DCBLD1: variants seen among roughly 807,000 people sequenced by gnomAD.
The protein encoded by DCBLD1 is discoidin, CUB and LCCL domain-containing protein 1.
DCBLD1 carries 57 observed loss-of-function variants against 71.5 expected under a neutral mutation model. The ratio of observed to expected loss-of-function variants is 0.80; its 90% CI spans 0.64 to 0.99. The LOEUF is 0.99. Ranked by LOEUF, DCBLD1 falls within the 50% of genes least tolerant of loss-of-function variation. The pLI is 0.00. For synonymous variants in DCBLD1, 380 were observed against 363.8 expected, an observed-to-expected ratio of 1.04 and a Z score of -0.51; for missense variants, 891 against 923.5, an observed-to-expected ratio of 0.96 and a Z score of 0.46.
chr6:117,540,701 G>C lies in DCBLD1; in HGVS notation c.1135G>C (p.Val379Leu), dbSNP rs202127456. 30 of 1,614,076 alleles carry C rather than the reference G, an allele frequency of 1.9e-5. No individual in the cohort carries two copies. The highest frequency in any genetic ancestry group is 2.5e-5 in the Non-Finnish European group (29 of 1,180,048). Residue 379 changes from valine to leucine, a missense_variant, in exon 10 of 15, where the codon GTG (valine) becomes CTG (leucine). By Grantham distance (32) the Val-to-Leu change is conservative. Coordinates refer to ENST00000338728, the MANE Select transcript of DCBLD1 (RefSeq NM_001366458.2). ...FQGNSNFRDP[V>L]QNNFIPPIVA... ...GGGTAACTCTAACTTTCGGGACCCA[G>C]TGCAAAACAATTTCATCCCTCCCAT...
Position 117,538,648 on chromosome 6 carries a change from T to C in DCBLD1, c.789T>C (p.Pro263=), listed in dbSNP as rs199683539. The change falls in exon 8 of 15, where the codon CCT becomes CCC. Residue 263 remains proline, a synonymous_variant. Coordinates refer to ENST00000338728, the MANE Select transcript of DCBLD1 (RefSeq NM_001366458.2). ...NGCSRSLSFE[P]DGQIRASSSW... Reference sequence around the variant, plus strand: ...GCAGCAGATCCTTGAGTTTTGAACCTGACGGGCAAATCAGAGCTTCTTCCT... The same window carrying C: ...GCAGCAGATCCTTGAGTTTTGAACCCGACGGGCAAATCAGAGCTTCTTCCT... 1.4e-4 allele frequency: 226 copies of C among 1,614,182 alleles called. 1 individual carries two copies. In the Middle Eastern group the frequency reaches 4.1e-3, roughly 29 times the overall value.
intron 2 of DCBLD1, among the ~76,000 whole-genome samples, chr6:117,516,408 T>C (rs9387486): frequency 0.096 from 14,598 of 151,870 alleles, 1,888 homozygotes; most frequent in African/African-American, 0.29. Flanking sequence ...TTACGTATGA[T>C]GAGTGTTTCT....
chr6:117,508,566 T>TAAC (rs2114445320), intron 2 of DCBLD1, among the ~76,000 whole-genome samples: 1 of 152,348 alleles, frequency 6.6e-6, no homozygotes, highest in Non-Finnish European at 1.5e-5. Context: ...AGTGACCATG[T>TAAC]AACCTTGACT....
chr6:117,512,986 C>T (rs1395729861), intron 2 of DCBLD1, among the ~76,000 whole-genome samples: 1 of 151,950 alleles, frequency 6.6e-6, no homozygotes, highest in Non-Finnish European at 1.5e-5. Context: ...AAAACAATAA[C>T]TTAGTTTTAT....
At chr6:117,532,228 A>C (rs748398337) in intron 5 of DCBLD1, 32 bp from the exon 6 acceptor site, 1 of 1,562,092 alleles carries the variant, frequency 6.4e-7, no homozygotes, top group African/African-American at 1.4e-5. Flanking sequence ...GTGTTCTTTT[A>C]AGTTCTGCAT....
chr6:117,558,011 T>C (rs1328267527), intron 14 of DCBLD1, among the ~76,000 whole-genome samples: 2 of 152,174 alleles, frequency 1.3e-5, no homozygotes, highest in East Asian at 1.9e-4. Context: ...TCTTGGAGCA[T>C]AGACAAGGTA....
At position 117,548,317 on chromosome 6, in the gene DCBLD1, A is replaced by G; in HGVS notation, c.2026A>G (p.Thr676Ala). 1 of 1,550,662 alleles carries G rather than the reference A, an allele frequency of 6.4e-7. No individual in the cohort carries two copies. The highest frequency in any genetic ancestry group is 1.2e-5 in the South Asian group (1 of 84,058). ...GCCCAAAGCTGTCAGCGCCCTCGCC[A>G]CCGAAAGCGGGCACCCTGACTCTCA... ...DRPKAVSALA[T>A]ESGHPDSQKP... The change falls in exon 15 of 15, where the codon ACC becomes GCC. Residue 676 changes from threonine to alanine, a missense_variant. By Grantham distance (58) the Thr-to-Ala change is moderately conservative. Coordinates refer to ENST00000338728, the MANE Select transcript of DCBLD1 (RefSeq NM_001366458.2).
At chr6:117,490,262 C>A (rs112330592) in intron 1 of DCBLD1, among the ~76,000 whole-genome samples, 4,653 of 152,280 alleles carry the variant, frequency 0.031, 85 homozygotes, top group Non-Finnish European at 0.038. Context: ...CCCCTCTGCT[C>A]CCTAGTCTGT....
intron 1 of DCBLD1, among the ~76,000 whole-genome samples, chr6:117,486,665 T>C (rs994742261): frequency 6.6e-6 from 1 of 152,216 alleles, no homozygotes; most frequent in Non-Finnish European, 1.5e-5. Flanking sequence ...TGCTCCTCCT[T>C]CAGTGTTTGT....
chr6:117,564,881 C>T (rs1779662916), intron 14 of DCBLD1, among the ~76,000 whole-genome samples: 1 of 152,162 alleles, frequency 6.6e-6, no homozygotes, highest in African/African-American at 2.4e-5. Context: ...TATCTTTGTG[C>T]AGACAGTTTA....
chr6:117,563,367 C>T (rs775795344), intron 14 of DCBLD1: 1 of 1,613,370 alleles, frequency 6.2e-7, no homozygotes, highest in Non-Finnish European at 8.5e-7. Flanking sequence ...GTGTCAGTTA[C>T]TGCCTTCTTA....
intron 1 of DCBLD1, among the ~76,000 whole-genome samples, chr6:117,488,758 G>A (rs1449782026): frequency 6.6e-6 from 1 of 152,214 alleles, no homozygotes; most frequent in Non-Finnish European, 1.5e-5. Context: ...TTGAGCAAAT[G>A]ATCCACTGAT....
intron 2 of DCBLD1, among the ~76,000 whole-genome samples, chr6:117,512,065 A>G (rs927653436): frequency 6.6e-6 from 1 of 152,204 alleles, no homozygotes; most frequent in Non-Finnish European, 1.5e-5. Flanking sequence ...TAACACAACC[A>G]TAAGCCTCAA....
At chr6:117,567,161 A>C (rs1239931817) in intron 14 of DCBLD1, 2 of 596,442 alleles carry the variant, frequency 3.4e-6, no homozygotes, top group Non-Finnish European at 5.4e-6. Context: ...CCAGAAAATA[A>C]ATAATAAAAT....
In DCBLD1 at chr6:117,539,370, T is replaced by C; in HGVS notation, c.1092T>C (p.Asn364=). The change falls in exon 9 of 15, where the codon AAT becomes AAC. Residue 364 remains asparagine (N), a synonymous_variant. Coordinates refer to ENST00000338728, the MANE Select transcript of DCBLD1 (RefSeq NM_001366458.2). ...KWKTYKGIVN[N]EEKVFQGNSN... ...AGACCTATAAAGGAATTGTGAATAA[T>C]GAAGAAAAGGTAAGAGGTAACCCTA... The C allele has an allele frequency of 6.2e-7, 1 of 1,602,728 alleles. No individual in the cohort carries two copies. The highest frequency in any genetic ancestry group is 1.1e-5 in the South Asian group (1 of 88,868).
intron 14 of DCBLD1, among the ~76,000 whole-genome samples, chr6:117,558,940 C>T (rs1400817688): frequency 6.6e-6 from 1 of 152,230 alleles, no homozygotes; most frequent in Non-Finnish European, 1.5e-5. Flanking sequence ...ATCCAAATTG[C>T]TGGACGCTAG....
chr6:117,530,810 A>G (rs1227994614), intron 5 of DCBLD1, among the ~76,000 whole-genome samples: 1 of 152,176 alleles, frequency 6.6e-6, no homozygotes, highest in Admixed American at 6.6e-5. Flanking sequence ...TTCAGGAACA[A>G]TATACAGAAA....
At chr6:117,541,492 A>G (rs1359921479) in intron 11 of DCBLD1, among the ~76,000 whole-genome samples, 1 of 152,170 alleles carries the variant, frequency 6.6e-6, no homozygotes, top group Non-Finnish European at 1.5e-5. Flanking sequence ...TCAAGAAAAC[A>G]TAATGCGGCT....
At chr6:117,483,000 T>G in intron 1 of DCBLD1, 107 bp downstream of exon 1, 4 of 993,928 alleles carry the variant, frequency 4.0e-6, no homozygotes, top group Non-Finnish European at 4.8e-6. Flanking sequence ...GGGCCGGGCC[T>G]GGGGGGACGG....
Sources: allele counts gnomAD v4.1 joint callset (sites outside exome capture counted in the v4.1 genomes callset), GRCh38; gene constraint gnomAD v4.1.1; transcripts MANE v1.5; gene names NCBI Gene and HGNC (gene_info 2026-07-23, HGNC 2026-07-21).